The following ATP2B1 variants were observed in gnomAD, a reference collection of about 807,000 sequenced individuals.
ATP2B1 encodes plasma membrane calcium-transporting ATPase 1.
A neutral mutation model predicts 124.2 loss-of-function variants in ATP2B1; 14 were observed. That is an observed-to-expected ratio of 0.11 (90% confidence interval 0.07 to 0.18). The LOEUF is 0.18. Ranked by LOEUF, ATP2B1 falls within the 10% of genes least tolerant of loss-of-function variation. ATP2B1 has a pLI of 1.00. For missense variants in ATP2B1, 763 were observed against 1,466.1 expected (o/e 0.52, Z 7.83); for synonymous variants, 449 against 492.4 (o/e 0.91, Z 1.17).
chr12:89,689,864 C>T (rs1051232127), intron 1 of ATP2B1, among the ~76,000 whole-genome samples: 3 of 152,064 alleles, frequency 2.0e-5, no homozygotes, highest in Non-Finnish European at 4.4e-5. Flanking sequence ...CAAATGTTTT[C>T]TAAATATTAA....
At chr12:89,623,959 G>T (rs2070759) in intron 9 of ATP2B1, among the ~76,000 whole-genome samples, 74,361 of 151,964 alleles carry the variant, frequency 0.49, 19,195 homozygotes, top group Admixed American at 0.62. Context: ...GTCGTGCTTA[G>T]TATTGTGTCA....
chr12:89,707,458 G>GA (rs1892603658), intron 1 of ATP2B1, among the ~76,000 whole-genome samples: 2 of 152,144 alleles, frequency 1.3e-5, no homozygotes, highest in African/African-American at 4.8e-5. Flanking sequence ...ACACACGTAT[G>GA]AAAAAAATCT....
At chr12:89,690,563 AAC>A (rs914140057) in intron 1 of ATP2B1, among the ~76,000 whole-genome samples, 2 of 151,982 alleles carry the variant, frequency 1.3e-5, no homozygotes, top group African/African-American at 4.8e-5. Context: ...AGTTGAATTA[AAC>A]AGTTTTGCTT....
chr12:89,633,477 A>C (rs1207427144), intron 5 of ATP2B1, among the ~76,000 whole-genome samples: 1 of 28,794 alleles, frequency 3.5e-5, no homozygotes, highest in South Asian at 1.7e-3. Context: ...TACACATCTC[A>C]AGATTTTTTT....
At position 89,604,189 on chromosome 12, in the gene ATP2B1, A is replaced by T. The variant is rs768818006; in HGVS notation, c.2600T>A (p.Val867Glu). 5 of 1,613,830 alleles carry T rather than the reference A, an allele frequency of 3.1e-6. No individual in the cohort carries two copies. In the African/African-American group the frequency reaches 6.7e-5, roughly 22 times the overall value. Reference sequence around the variant, plus strand: ...GCAGGCGCCCGTAAAAGCAACAATCACTGCTACTACATTAACAGTAAGTTG... The same window carrying T: ...GCAGGCGCCCGTAAAAGCAACAATCTCTGCTACTACATTAACAGTAAGTTG... ...QFQLTVNVVAVIVAFTGACIT... is the reference protein window; with the variant it reads ...QFQLTVNVVAEIVAFTGACIT... The change falls in exon 16 of 21, where the codon GTG becomes GAG. Residue 867 changes from valine to glutamate, a missense_variant. Physicochemically the swap from Val to Glu is moderately radical, Grantham distance 121. Coordinates refer to ENST00000428670, the MANE Select transcript of ATP2B1 (RefSeq NM_001366521.1).
At chr12:89,664,142 C>A (rs1409017959) in intron 1 of ATP2B1, among the ~76,000 whole-genome samples, 1 of 152,090 alleles carries the variant, frequency 6.6e-6, no homozygotes, top group Non-Finnish European at 1.5e-5. Flanking sequence ...AAAGAAAAAA[C>A]CACCCAGGTT....
chr12:89,653,557 A>T (rs1288217911), intron 2 of ATP2B1, among the ~76,000 whole-genome samples: 1 of 151,386 alleles, frequency 6.6e-6, no homozygotes, highest in Non-Finnish European at 1.5e-5. Flanking sequence ...TCGGCCTCCC[A>T]AAGTGCTGGG....
At chr12:89,605,022 T>C (rs1876568721) in intron 15 of ATP2B1, among the ~76,000 whole-genome samples, 1 of 152,162 alleles carries the variant, frequency 6.6e-6, no homozygotes, top group African/African-American at 2.4e-5. Context: ...TAATAAATTG[T>C]GGATTAATAA....
At chr12:89,654,657 T>G (rs928121667) in intron 2 of ATP2B1, among the ~76,000 whole-genome samples, 1 of 152,178 alleles carries the variant, frequency 6.6e-6, no homozygotes, top group Non-Finnish European at 1.5e-5. Flanking sequence ...TTTTAAAGAA[T>G]TTTTAAATAT....
At chr12:89,658,255 T>C (rs941253940) in intron 1 of ATP2B1, among the ~76,000 whole-genome samples, 1 of 152,210 alleles carries the variant, frequency 6.6e-6, no homozygotes. Flanking sequence ...TGGCCTGCTA[T>C]CCCATCAATC....
intron 20 of ATP2B1, among the ~76,000 whole-genome samples, chr12:89,595,289 T>A (rs945994695): frequency 3.3e-5 from 5 of 152,032 alleles, no homozygotes; most frequent in African/African-American, 1.2e-4. Flanking sequence ...AGTTTGCTGA[T>A]CCTTCACCTA....
chr12:89,703,528 A>G (rs1244377415), intron 1 of ATP2B1, among the ~76,000 whole-genome samples: 1 of 152,210 alleles, frequency 6.6e-6, no homozygotes, highest in African/African-American at 2.4e-5. Flanking sequence ...TTCTTCTAAC[A>G]AAGAGCTAGA....
At chr12:89,700,439 C>G (rs1484293085) in intron 1 of ATP2B1, among the ~76,000 whole-genome samples, 1 of 151,682 alleles carries the variant, frequency 6.6e-6, no homozygotes, top group African/African-American at 2.4e-5. Flanking sequence ...ATTTTTTAAG[C>G]AAACAAAAAA....
At chr12:89,639,455 G>A (rs1883181576) in intron 3 of ATP2B1, among the ~76,000 whole-genome samples, 1 of 151,930 alleles carries the variant, frequency 6.6e-6, no homozygotes, top group Admixed American at 6.6e-5. Context: ...AGTGAGCCGA[G>A]ATAGTGCCAC....
rs1301671306 is a variant in ATP2B1, at chr12:89,603,603, T to G, written c.2848+109A>C. The G allele has an allele frequency of 1.8e-6, 2 of 1,103,784 alleles. No homozygotes were observed. The highest frequency in any genetic ancestry group is 4.9e-5 in the East Asian group (2 of 40,810). The allele number at this position is 1,103,784 out of a possible 1,614,324, so 68.4% of individuals were successfully genotyped here. On this transcript the variant is annotated intron_variant, in intron 17 of 20. Coordinates refer to ENST00000428670, the MANE Select transcript of ATP2B1 (RefSeq NM_001366521.1). This position sits in a 1 kb window ranked among gnomAD's most constrained non-coding sequence, Gnocchi z 4.3. ...GAAGAAATTAAAGATAAATGGGAAG[T>G]CAGGAGTAGAATTTAGGCTCTTGAA...
intron 15 of ATP2B1, among the ~76,000 whole-genome samples, chr12:89,607,086 C>T (rs562364819): frequency 3.3e-5 from 5 of 152,216 alleles, no homozygotes; most frequent in South Asian, 4.1e-4. Context: ...CGTTAAACTG[C>T]TTTTTAAAAA....
At chr12:89,691,132 C>T (rs1176289508) in intron 1 of ATP2B1, among the ~76,000 whole-genome samples, 1 of 152,010 alleles carries the variant, frequency 6.6e-6, no homozygotes, top group Non-Finnish European at 1.5e-5. Flanking sequence ...TGCCTTTCTG[C>T]CATTCAGCAT....
intron 1 of ATP2B1, among the ~76,000 whole-genome samples, chr12:89,671,329 A>T (rs551704049): frequency 6.6e-6 from 1 of 152,296 alleles, no homozygotes; most frequent in Admixed American, 6.5e-5. Context: ...AGAAGAGGAA[A>T]AGAAAATCTG....
rs1336008804 is a variant in ATP2B1, at chr12:89,589,934, A to G, written c.*1050T>C. ...GCCCTCATGCTGTGTGAAGGTCTCT[A>G]AAGATTAGAAAAATCAATACAGTTC... is the stretch of plus-strand genomic sequence containing the variant. On this transcript the variant is annotated 3_prime_UTR_variant, in exon 21 of 21. Coordinates refer to ENST00000428670, the MANE Select transcript of ATP2B1 (RefSeq NM_001366521.1). The G allele has an allele frequency of 6.6e-6, 1 of 152,570 alleles. No homozygotes were observed. Among genetic ancestry groups the G allele is most frequent in the Non-Finnish European group, 1.5e-5 (1 of 68,002 alleles). The allele number at this position is 152,570 out of a possible 1,614,324, so 9.5% of individuals were successfully genotyped here.
Sources: allele counts gnomAD v4.1 joint callset (sites outside exome capture counted in the v4.1 genomes callset), GRCh38; gene constraint gnomAD v4.1.1; non-coding constraint Gnocchi (gnomAD v3.1); transcripts MANE v1.5; gene names NCBI Gene and HGNC (gene_info 2026-07-23, HGNC 2026-07-21).